The following SOX6 variants were observed in gnomAD, a reference collection of about 807,000 sequenced individuals.
SOX6 encodes transcription factor SOX-6.
In SOX6, 11 loss-of-function variants were observed where a neutral mutation model predicts 97.8. The observed-to-expected ratio is 0.11, with a 90% CI of 0.07 to 0.19. SOX6 has a LOEUF of 0.19. Among genes scored for constraint, SOX6 ranks in the 10% least tolerant of loss-of-function variants. The pLI is 1.00. For missense variants in SOX6, 810 were observed against 1,039.5 expected (o/e 0.78, Z 3.04); for synonymous variants, 360 against 371.4 (o/e 0.97, Z 0.35).
At chr11:16,232,046 A>T in intron 4 of SOX6, among the ~76,000 whole-genome samples, 1 of 151,952 alleles carries the variant, frequency 6.6e-6, no homozygotes, top group Middle Eastern at 3.4e-3. Context: ...GAATTTTATA[A>T]TCAGAAAAAT....
rs1021448770 is a variant in SOX6, at chr11:16,433,210, A to G, written c.-5+43105T>C. Among the ~76,000 whole-genome samples, 4 of 152,072 alleles carry G rather than the reference A, an allele frequency of 2.6e-5. No homozygotes were observed. In the East Asian group the frequency reaches 5.8e-4, roughly 22 times the overall value. ...ACCCTGAAAATGTTAACAATAGCAAATAGTTTTCTCATAACAAAACACATC... is the reference window on the plus strand; with the variant it reads ...ACCCTGAAAATGTTAACAATAGCAAGTAGTTTTCTCATAACAAAACACATC... On this transcript the variant is annotated intron_variant, in intron 1 of 15. Coordinates refer to the SOX6 transcript ENST00000396356.
chr11:16,222,565 TA>T (rs1303202447), intron 4 of SOX6, among the ~76,000 whole-genome samples: 1 of 152,110 alleles, frequency 6.6e-6, no homozygotes, highest in Admixed American at 6.6e-5. Context: ...TAAGTACTTT[TA>T]AATTTTCTCG....
chr11:16,257,894 A>G (rs1853741860), intron 3 of SOX6, among the ~76,000 whole-genome samples: 1 of 151,970 alleles, frequency 6.6e-6, no homozygotes, highest in Non-Finnish European at 1.5e-5. Flanking sequence ...ATGGTAAAAG[A>G]CCTGAACAGA....
intron 4 of SOX6, among the ~76,000 whole-genome samples, chr11:16,496,317 T>TA (rs35080645): frequency 5.4e-5 from 8 of 147,502 alleles, no homozygotes; most frequent in African/African-American, 1.7e-4. Context: ...GAACATGGAT[T>TA]AAAAAAAAAA....
intron 1 of SOX6, among the ~76,000 whole-genome samples, chr11:16,469,196 C>T (rs918421190): frequency 2.0e-5 from 3 of 151,972 alleles, no homozygotes; most frequent in Non-Finnish European, 4.4e-5. Context: ...TTTAATGAAA[C>T]AAGTCCAGAG....
intron 1 of SOX6, among the ~76,000 whole-genome samples, chr11:16,403,546 G>T (rs1858614816): frequency 6.6e-6 from 1 of 151,692 alleles, no homozygotes; most frequent in Non-Finnish European, 1.5e-5. Context: ...TGACCCCTGA[G>T]ATAAAAACAT....
intron 1 of SOX6, among the ~76,000 whole-genome samples, chr11:16,416,711 T>C (rs1216982485): frequency 3.3e-5 from 5 of 152,202 alleles, no homozygotes; most frequent in African/African-American, 1.2e-4. Context: ...CACTCAATTA[T>C]TCATTCAACA....
At chr11:16,712,913 A>G (rs1848192427) in intron 3 of SOX6, among the ~76,000 whole-genome samples, 1 of 152,248 alleles carries the variant, frequency 6.6e-6, no homozygotes, top group Non-Finnish European at 1.5e-5. Context: ...AATACTGTGA[A>G]TGAATGAAAG....
intron 1 of SOX6, among the ~76,000 whole-genome samples, chr11:16,419,329 T>C (rs1296345009): frequency 1.3e-5 from 2 of 152,150 alleles, no homozygotes; most frequent in Non-Finnish European, 2.9e-5. Context: ...GTATGGTCTA[T>C]ACAAACTATA....
chr11:16,531,530 A>AT (rs772244613), intron 4 of SOX6, among the ~76,000 whole-genome samples: 12 of 151,898 alleles, frequency 7.9e-5, no homozygotes, highest in Non-Finnish European at 2.9e-5. Flanking sequence ...TGGAATAAAT[A>AT]TTACATTCCT....
At chr11:16,498,759 C>G (rs1040989048) in intron 4 of SOX6, among the ~76,000 whole-genome samples, 2 of 152,218 alleles carry the variant, frequency 1.3e-5, no homozygotes, top group African/African-American at 4.8e-5. Flanking sequence ...AAAGAGCTAA[C>G]TATCCTAAAT....
chr11:16,118,563 G>A (rs1041972913), intron 6 of SOX6, among the ~76,000 whole-genome samples: 4 of 152,170 alleles, frequency 2.6e-5, no homozygotes, highest in Admixed American at 2.0e-4. Context: ...GGGCTAACTG[G>A]CCTGATATCT....
intron 6 of SOX6, among the ~76,000 whole-genome samples, chr11:16,157,367 C>T (rs1200612745): frequency 6.6e-6 from 1 of 151,960 alleles, no homozygotes; most frequent in Non-Finnish European, 1.5e-5. Flanking sequence ...CTAACTCAGA[C>T]TCAATTTACA....
chr11:16,265,338 G>A (rs977036676), intron 3 of SOX6, among the ~76,000 whole-genome samples: 3 of 151,868 alleles, frequency 2.0e-5, no homozygotes, highest in Non-Finnish European at 2.9e-5. Context: ...GCATCACACA[G>A]AAAATTCAGA....
chr11:16,381,713 C>G (rs567109766), intron 1 of SOX6, among the ~76,000 whole-genome samples: 2 of 151,854 alleles, frequency 1.3e-5, no homozygotes, highest in East Asian at 3.9e-4. Context: ...TTTTTCAGTA[C>G]AAAATTCTAG....
At chr11:16,101,363 A>G (rs116619267) in intron 7 of SOX6, among the ~76,000 whole-genome samples, 1,823 of 151,740 alleles carry the variant, frequency 0.012, 36 homozygotes, top group African/African-American at 0.042. Context: ...ATTAGCAAGG[A>G]TTATAATATA....
At chr11:16,706,311 A>G (rs1456355801) in intron 3 of SOX6, among the ~76,000 whole-genome samples, 1 of 149,384 alleles carries the variant, frequency 6.7e-6, no homozygotes, top group Non-Finnish European at 1.5e-5. Context: ...AGCTGGGTAT[A>G]GTAACACATT....
At chr11:16,175,233 T>C (rs1851153391) in intron 6 of SOX6, among the ~76,000 whole-genome samples, 2 of 151,942 alleles carry the variant, frequency 1.3e-5, no homozygotes, top group Non-Finnish European at 1.5e-5. Context: ...GTTTCTCTAT[T>C]AGAAACTCTG....
chr11:16,199,329 G>A (rs967085244), intron 4 of SOX6, among the ~76,000 whole-genome samples: 9 of 152,156 alleles, frequency 5.9e-5, no homozygotes, highest in African/African-American at 1.2e-4. Context: ...ACAAATGATC[G>A]TCCAAACACT....
Sources: gnomAD v4.1 joint callset for allele counts (sites outside exome capture counted in the v4.1 genomes callset) on GRCh38, gnomAD v4.1.1 for gene constraint, MANE v1.5 for transcripts, NCBI Gene and HGNC (gene_info 2026-07-23, HGNC 2026-07-21) for gene names.